HDAC4: variants seen among roughly 807,000 people sequenced by gnomAD.
The protein encoded by HDAC4 is histone deacetylase A.
In HDAC4, 16 loss-of-function variants were observed where a neutral mutation model predicts 135.1. The ratio of observed to expected loss-of-function variants is 0.12; its 90% CI spans 0.08 to 0.18. The LOEUF is 0.18. HDAC4 is among the 10% of genes least tolerant of loss of function. The pLI is 1.00. For missense variants in HDAC4, 1,143 were observed against 1,511.8 expected, an observed-to-expected ratio of 0.76 and a Z score of 4.05; for synonymous variants, 685 against 653.4, an observed-to-expected ratio of 1.05 and a Z score of -0.74.
intron 7 of HDAC4, among the ~76,000 whole-genome samples, chr2:239,147,658 G>C (rs2041853218): frequency 6.6e-6 from 1 of 152,284 alleles, no homozygotes; most frequent in African/African-American, 2.4e-5. Flanking sequence ...TCAGGCCGGA[G>C]GCCTCATGGA....
intron 2 of HDAC4, among the ~76,000 whole-genome samples, chr2:239,282,578 C>T (rs1239011521): frequency 1.3e-5 from 2 of 150,034 alleles, no homozygotes; most frequent in African/African-American, 2.5e-5. Context: ...ATGAACACAC[C>T]ACTCTACAAT....
At chr2:239,298,182 G>A in intron 2 of HDAC4, 1 of 1,285,566 alleles carries the variant, frequency 7.8e-7, no homozygotes, top group Non-Finnish European at 1.0e-6. Context: ...TTTGCTGACA[G>A]CAAGCTCAGG....
chr2:239,190,156 C>T, intron 3 of HDAC4, 79 bp from the exon 4 acceptor site: 2 of 1,480,760 alleles, frequency 1.4e-6, no homozygotes, highest in Non-Finnish European at 1.8e-6. Context: ...ACCCAACACA[C>T]TGGCCACCTT....
chr2:239,393,786 C>A (rs1244066441), intron 1 of HDAC4, among the ~76,000 whole-genome samples: 1 of 152,190 alleles, frequency 6.6e-6, no homozygotes, highest in South Asian at 2.1e-4. Context: ...TGGGCAGAGG[C>A]CAGTTTTCCT....
chr2:239,269,997 A>T (rs1336791257), intron 2 of HDAC4, among the ~76,000 whole-genome samples: 1 of 151,812 alleles, frequency 6.6e-6, no homozygotes, highest in Non-Finnish European at 1.5e-5. Context: ...CCCCAAAATG[A>T]TGTCCTTACA....
At chr2:239,354,751 T>C (rs1380237659) in intron 1 of HDAC4, among the ~76,000 whole-genome samples, 3 of 152,136 alleles carry the variant, frequency 2.0e-5, no homozygotes, top group Non-Finnish European at 2.9e-5. Context: ...GGTTATCTCC[T>C]TAGGAATGAC....
At chr2:239,259,622 T>G (rs2125073211) in intron 2 of HDAC4, among the ~76,000 whole-genome samples, 1 of 152,302 alleles carries the variant, frequency 6.6e-6, no homozygotes, top group Admixed American at 6.5e-5. Context: ...TTCAAAGGCT[T>G]AGAAACAAAC....
intron 3 of HDAC4, among the ~76,000 whole-genome samples, chr2:239,214,024 T>C (rs576918674): frequency 6.2e-4 from 94 of 152,376 alleles, no homozygotes; most frequent in Admixed American, 2.2e-3. Context: ...AGGCTCACTC[T>C]GGGTGTTAGC....
At chr2:239,385,542 C>T (rs1460244472) in intron 1 of HDAC4, among the ~76,000 whole-genome samples, 1 of 152,204 alleles carries the variant, frequency 6.6e-6, no homozygotes, top group African/African-American at 2.4e-5. Context: ...GAAGTCTCAG[C>T]CTCAAGCCCC....
rs1245918837 is a variant in HDAC4, at chr2:239,139,234, C to T, written c.978+450G>A. On this transcript the variant is annotated intron_variant, in intron 9 of 26. Coordinates refer to ENST00000543185, the MANE Select transcript of HDAC4 (RefSeq NM_001378414.1). The surrounding 1 kb of genome is among the most constrained non-coding windows in gnomAD (Gnocchi z 5.3). ...GGCCGACATCGTGTTGTGTATTTCT[C>T]AATACAAAATAAAAAATGTTAAGTC... Among the ~76,000 whole-genome samples, 1 of 152,222 alleles carries T rather than the reference C, an allele frequency of 6.6e-6. No individual in the cohort carries two copies. Among genetic ancestry groups the T allele is most frequent in the Non-Finnish European group, 1.5e-5 (1 of 68,044 alleles).
chr2:239,203,598 C>T (rs77292335), intron 3 of HDAC4, among the ~76,000 whole-genome samples: 1,977 of 152,290 alleles, frequency 0.013, 21 homozygotes, highest in Middle Eastern at 0.061. Flanking sequence ...TGAACGTCCA[C>T]GGTCTGACTG....
intron 2 of HDAC4, among the ~76,000 whole-genome samples, chr2:239,267,092 T>TG (rs143978355): frequency 1.3e-5 from 2 of 152,052 alleles, no homozygotes; most frequent in Admixed American, 6.5e-5. Context: ...GTACACTGCA[T>TG]GGGGGGTGCC....
At chr2:239,202,972 T>C (rs917496252) in intron 3 of HDAC4, among the ~76,000 whole-genome samples, 2 of 152,130 alleles carry the variant, frequency 1.3e-5, no homozygotes, top group African/African-American at 4.8e-5. Flanking sequence ...TCGCCGCACC[T>C]GGATGTAGGC....
At chr2:239,380,815 G>A (rs1170190037) in intron 1 of HDAC4, among the ~76,000 whole-genome samples, 1 of 152,104 alleles carries the variant, frequency 6.6e-6, no homozygotes, top group Non-Finnish European at 1.5e-5. Flanking sequence ...CAACTTCAGA[G>A]GCATTGCTGC....
chr2:239,324,222 C>T (rs10182074), intron 2 of HDAC4, among the ~76,000 whole-genome samples: 83,268 of 152,046 alleles, frequency 0.55, 23,170 homozygotes, highest in African/African-American at 0.64. Flanking sequence ...AAATTGGACA[C>T]GCAAAGGCAA....
rs1233429978 is a variant in HDAC4, at chr2:239,400,194, G to GC, written c.-220+783dup. On this transcript the variant is annotated intron_variant, in intron 1 of 26. Transcript: ENST00000543185. This position sits in a 1 kb window ranked among gnomAD's most constrained non-coding sequence, Gnocchi z 4.7. Reference sequence around the variant, plus strand: ...GGCTGAGCCGAGCGGGTCCCGGGCAGCCCCCCGCCCTCCCGCGACCCCCCG... The same window carrying GC: ...GGCTGAGCCGAGCGGGTCCCGGGCAGCCCCCCCGCCCTCCCGCGACCCCCCG... 6.6e-6 allele frequency among the ~76,000 whole-genome samples: 1 copy of GC among 151,776 alleles called. No individual in the cohort carries two copies. Among genetic ancestry groups the GC allele is most frequent in the Non-Finnish European group, 1.5e-5 (1 of 67,904 alleles).
chr2:239,078,080 T>A (rs772561847), intron 22 of HDAC4, among the ~76,000 whole-genome samples: 6 of 152,178 alleles, frequency 3.9e-5, no homozygotes, highest in Non-Finnish European at 8.8e-5. Flanking sequence ...AGAGTCCCCA[T>A]GTCCCCGCGC....
rs371362399 is a variant in HDAC4 at position 239,068,589 on chromosome 2, G to A, written c.2769C>T (p.Ile923=). 41 of 1,613,786 alleles carry A rather than the reference G, an allele frequency of 2.5e-5. No individual in the cohort carries two copies. The highest frequency in any genetic ancestry group is 8.9e-5 in the East Asian group (4 of 44,880). Residue 923 remains isoleucine, a synonymous_variant, in exon 23 of 27, where the codon ATC becomes ATT. Coordinates refer to ENST00000543185, the MANE Select transcript of HDAC4 (RefSeq NM_001378414.1). The surrounding 1 kb of genome is among the most constrained non-coding windows in gnomAD (Gnocchi z 4.4). ...CCACATCCGGGGCAAACTCGCTGGC[G>A]ATCGGCATGACCACCGTTCTGCAAA... The part of the protein sequence containing the change: ...LAAFRTVVMP[I]ASEFAPDVVL...
intron 4 of HDAC4, among the ~76,000 whole-genome samples, chr2:239,185,103 A>G (rs1361853605): frequency 6.6e-6 from 1 of 150,552 alleles, no homozygotes; most frequent in Non-Finnish European, 1.5e-5. Context: ...ACTACCCTGG[A>G]GGCTGTGCCC....
Sources: gnomAD v4.1 joint callset for allele counts (sites outside exome capture counted in the v4.1 genomes callset) on GRCh38, gnomAD v4.1.1 for gene constraint, Gnocchi (gnomAD v3.1) non-coding constraint, MANE v1.5 for transcripts, NCBI Gene and HGNC (gene_info 2026-07-23, HGNC 2026-07-21) for gene names.